The following TOPBP1 variants were observed in gnomAD, a reference collection of about 807,000 sequenced individuals.
TOPBP1 encodes the protein DNA topoisomerase 2-binding protein 1.
TOPBP1 carries 28 observed loss-of-function variants against 167.7 expected under a neutral mutation model. That is an observed-to-expected ratio of 0.17 (90% CI 0.12 to 0.23). The LOEUF (loss-of-function observed/expected upper bound fraction) is 0.23. Among genes scored for constraint, TOPBP1 ranks in the 10% least tolerant of loss-of-function variants. TOPBP1 has a pLI of 1.00. For synonymous variants in TOPBP1, 598 were observed against 611.4 expected, an observed-to-expected ratio of 0.98 and a Z score of 0.32; for missense variants, 1,554 against 1,809.6, an observed-to-expected ratio of 0.86 and a Z score of 2.56.
rs776489773 is a variant in TOPBP1, at chr3:133,649,530, G to C, written c.1357C>G (p.Pro453Ala). ...IHANYQPVEIPVSHKPESKAA... is the reference protein window; with the variant it reads ...IHANYQPVEIAVSHKPESKAA... Reference sequence around the variant, plus strand: ...TTACTTTCAGGCTTATGTGAAACTGGAATTTCCACTGGCTGGTAATTAGCA... The same window carrying C: ...TTACTTTCAGGCTTATGTGAAACTGCAATTTCCACTGGCTGGTAATTAGCA... Residue 453 changes from proline to alanine, a missense_variant, in exon 10 of 28, where the codon CCA becomes GCA. By Grantham distance (27) the Pro-to-Ala change is conservative (BLOSUM62 -1). Coordinates refer to ENST00000260810, the MANE Select transcript of TOPBP1 (RefSeq NM_007027.4). 1 of 1,613,868 alleles carries C rather than the reference G, an allele frequency of 6.2e-7. No homozygotes were observed. The highest frequency in any genetic ancestry group is 8.5e-7 in the Non-Finnish European group (1 of 1,179,858).
intron 11 of TOPBP1, among the ~76,000 whole-genome samples, 183 bp downstream of exon 11, chr3:133,643,837 A>G (rs1935981550): frequency 6.6e-6 from 1 of 152,222 alleles, no homozygotes; most frequent in African/African-American, 2.4e-5. Flanking sequence ...TCTCTACTGT[A>G]TCGGGATTAG....
chr3:133,641,454 C>T (rs1057513151), intron 12 of TOPBP1, among the ~76,000 whole-genome samples: 1 of 152,178 alleles, frequency 6.6e-6, no homozygotes. Context: ...CAGCCTTGAC[C>T]TCCCAGGCTC....
intron 27 of TOPBP1, among the ~76,000 whole-genome samples, chr3:133,603,593 A>C (rs377374402): frequency 9.2e-5 from 14 of 152,210 alleles, no homozygotes; most frequent in African/African-American, 3.4e-4. Flanking sequence ...TTCAAGGCGG[A>C]GTAAGCCCAG....
At chr3:133,606,330 G>C (rs1355398818) in intron 27 of TOPBP1, among the ~76,000 whole-genome samples, 3 of 152,064 alleles carry the variant, frequency 2.0e-5, no homozygotes, top group Non-Finnish European at 4.4e-5. Context: ...AGATAGGTAA[G>C]TTCCCTTACT....
At chr3:133,648,694 G>A (rs1936170024) in intron 10 of TOPBP1, among the ~76,000 whole-genome samples, 1 of 152,120 alleles carries the variant, frequency 6.6e-6, no homozygotes, top group South Asian at 2.1e-4. Context: ...CTACTTGGGA[G>A]GCTGAGGCAG....
intron 25 of TOPBP1, among the ~76,000 whole-genome samples, chr3:133,609,184 T>G (rs1284247468): frequency 6.6e-6 from 1 of 152,194 alleles, no homozygotes; most frequent in African/African-American, 2.4e-5. Flanking sequence ...AAACCATTAA[T>G]GATTAGGTAA....
At chr3:133,608,429 T>C in intron 27 of TOPBP1, 106 bp downstream of exon 27, 1 of 1,260,354 alleles carries the variant, frequency 7.9e-7, no homozygotes, top group South Asian at 1.5e-5. Context: ...AACAGGAGAC[T>C]AATCTTCTAC....
intron 24 of TOPBP1, 41 bp downstream of exon 24, chr3:133,612,348 C>A: frequency 6.2e-7 from 1 of 1,607,822 alleles, no homozygotes; most frequent in Non-Finnish European, 8.5e-7. Context: ...TGGACACTTG[C>A]TTTTAAAGAA....
chr3:133,605,608 A>C (rs1353672006), intron 27 of TOPBP1, among the ~76,000 whole-genome samples: 1 of 152,188 alleles, frequency 6.6e-6, no homozygotes, highest in African/African-American at 2.4e-5. Flanking sequence ...AATCTTAGTA[A>C]ACTAGGAATA....
chr3:133,653,419 T>C lies in TOPBP1; in HGVS notation c.848A>G (p.Lys283Arg), dbSNP rs1315815949. ...CTTTGCTTCTGGTCTAGGTTCTGTC[T>C]TGTATATGGATTCATCCTGACAAAA... is the stretch of plus-strand genomic sequence containing the variant. The part of the protein sequence containing the change: ...KGFCQDESIY[K>R]TEPRPEAKTM... The change falls in exon 7 of 28, where the codon AAG becomes AGG. Residue 283 changes from lysine to arginine, a missense_variant. Physicochemically the swap from Lys to Arg is conservative, Grantham distance 26. Transcript: ENST00000260810. The C allele has an allele frequency of 2.5e-6, 4 of 1,613,366 alleles. 1 individual carries two copies. The East Asian group carries it at 8.9e-5, about 36-fold the overall frequency.
Position 133,616,805 on chromosome 3 carries a change from T to C in TOPBP1, c.3871+9A>G. The C allele has an allele frequency of 2.0e-6, 3 of 1,465,058 alleles. No individual in the cohort carries two copies. The highest frequency in any genetic ancestry group is 1.4e-5 in the African/African-American group (1 of 69,728). 90.8% of individuals were successfully genotyped at this position (1,465,058 alleles called of 1,614,324 possible). ...TGGGACATTTTGGATTTAAGTAAAA[T>C]ACTGGTACCTAGTTTCTCAATCAGA... is the stretch of plus-strand genomic sequence containing the variant. On this transcript the variant is annotated intron_variant, in intron 23 of 27. Coordinates refer to ENST00000260810, the MANE Select transcript of TOPBP1 (RefSeq NM_007027.4).
At chr3:133,617,105 T>C in intron 22 of TOPBP1, 55 bp downstream of exon 22, 2 of 1,528,530 alleles carry the variant, frequency 1.3e-6, no homozygotes, top group Non-Finnish European at 1.8e-6. Flanking sequence ...AAATTTCTAA[T>C]ACAGCCTAAC....
intron 6 of TOPBP1, 104 bp downstream of exon 6, chr3:133,655,186 T>C (rs7639941): frequency 0.98 from 741,278 of 753,158 alleles, 364,834 homozygotes; most frequent in South Asian, 1. Context: ...GCCTGGGCAA[T>C]AGAGCAAGAC....
At chr3:133,618,688 T>G (rs1934979707) in intron 20 of TOPBP1, among the ~76,000 whole-genome samples, 1 of 152,182 alleles carries the variant, frequency 6.6e-6, no homozygotes, top group Non-Finnish European at 1.5e-5. Context: ...AACTAAAACT[T>G]CAAAGGAGAA....
intron 10 of TOPBP1, among the ~76,000 whole-genome samples, chr3:133,647,379 G>A (rs987783927): frequency 6.6e-6 from 1 of 152,024 alleles, no homozygotes; most frequent in Non-Finnish European, 1.5e-5. Flanking sequence ...CCTTTTCTGG[G>A]GTAACAAACC....
In TOPBP1 at chr3:133,617,437, GA is replaced by G. The variant is rs1422980548; in HGVS notation, c.3593-112del. The G allele has an allele frequency of 1.7e-5, 21 of 1,269,980 alleles. No homozygotes were observed. The East Asian group carries it at 5.2e-4, about 32-fold the overall frequency. 78.7% of individuals were successfully genotyped at this position (1,269,980 alleles called of 1,614,324 possible). On this transcript the variant is annotated intron_variant, in intron 21 of 27. Transcript: ENST00000260810. ...AAGATGAAGTCAAGCACAAACTCTG[GA>G]ATGTAAAAAGTACAGGCAAAAAAGT...
intron 10 of TOPBP1, among the ~76,000 whole-genome samples, chr3:133,646,407 C>A (rs1401681341): frequency 6.6e-6 from 1 of 151,934 alleles, no homozygotes; most frequent in African/African-American, 2.4e-5. Flanking sequence ...TCCCAACATT[C>A]TGGGAGGCTA....
chr3:133,643,869 A>G (rs547428028), intron 11 of TOPBP1, 151 bp downstream of exon 11: 1 of 770,154 alleles, frequency 1.3e-6, no homozygotes, highest in African/African-American at 1.8e-5. Context: ...TGCACATTTA[A>G]TTTTGAATTT....
intron 4 of TOPBP1, among the ~76,000 whole-genome samples, chr3:133,657,541 T>C (rs1198149871): frequency 1.3e-5 from 2 of 152,100 alleles, no homozygotes; most frequent in Non-Finnish European, 2.9e-5. Flanking sequence ...ATGTAAGTGA[T>C]TAAAAAATGA....
Sources: gnomAD v4.1 joint callset for allele counts (sites outside exome capture counted in the v4.1 genomes callset) on GRCh38, gnomAD v4.1.1 for gene constraint, MANE v1.5 for transcripts, NCBI Gene and HGNC (gene_info 2026-07-23, HGNC 2026-07-21) for gene names.